The following SCFD2 variants were observed in gnomAD, a reference collection of about 807,000 sequenced individuals.
SCFD2 encodes the protein sec1 family domain containing 2, also known as sec1 family domain-containing protein 2.
Under a neutral mutation model 58.9 loss-of-function variants are expected in SCFD2, and 54 were observed. That is an observed-to-expected ratio of 0.92 (90% CI 0.74 to 1.15). The LOEUF (loss-of-function observed/expected upper bound fraction) is 1.15, where lower values mean the gene tolerates loss of function less well. Among genes scored for constraint, SCFD2 ranks in the 50% most tolerant of loss-of-function variants. SCFD2 has a pLI of 0.00. For missense variants in SCFD2, 805 were observed against 836.6 expected (o/e 0.96, Z 0.47); for synonymous variants, 321 against 335.9 (o/e 0.96, Z 0.49).
intron 3 of SCFD2, among the ~76,000 whole-genome samples, chr4:53,279,095 T>A (rs1388149597): frequency 6.6e-6 from 1 of 152,134 alleles, no homozygotes; most frequent in African/African-American, 2.4e-5. Context: ...TATTCATACT[T>A]CACCTTACAA....
intron 5 of SCFD2, among the ~76,000 whole-genome samples, chr4:53,131,736 C>T (rs1725791240): frequency 6.6e-6 from 1 of 152,198 alleles, no homozygotes; most frequent in African/African-American, 2.4e-5. Flanking sequence ...GCCTCCTCCC[C>T]GCTGTGCTCT....
At chr4:53,118,454 G>T (rs1725385088) in intron 5 of SCFD2, among the ~76,000 whole-genome samples, 1 of 152,162 alleles carries the variant, frequency 6.6e-6, no homozygotes, top group South Asian at 2.1e-4. Context: ...CACAAAGAGA[G>T]ATAAATCAAA....
chr4:53,239,527 C>T (rs1729823180), intron 4 of SCFD2, among the ~76,000 whole-genome samples: 1 of 152,166 alleles, frequency 6.6e-6, no homozygotes, highest in Non-Finnish European at 1.5e-5. Context: ...TCTTGTTGCC[C>T]AAGCTGGAGT....
chr4:53,038,152 A>G (rs1560309488), intron 5 of SCFD2, among the ~76,000 whole-genome samples: 1 of 152,202 alleles, frequency 6.6e-6, no homozygotes, highest in Non-Finnish European at 1.5e-5. Context: ...ATGCTCCCAG[A>G]ATTTTCCTTA....
At chr4:53,209,095 G>T (rs772427586) in intron 4 of SCFD2, among the ~76,000 whole-genome samples, 6 of 152,224 alleles carry the variant, frequency 3.9e-5, no homozygotes, top group Admixed American at 3.9e-4. Context: ...GAAAGTTCCA[G>T]GCAAACTGAA....
intron 4 of SCFD2, among the ~76,000 whole-genome samples, chr4:53,270,762 T>G (rs1275756993): frequency 6.6e-6 from 1 of 152,196 alleles, no homozygotes; most frequent in Admixed American, 6.5e-5. Context: ...ATAATGGCAT[T>G]AAAATCCTTA....
intron 5 of SCFD2, among the ~76,000 whole-genome samples, chr4:53,088,662 C>T (rs1724381722): frequency 6.6e-6 from 1 of 152,072 alleles, no homozygotes; most frequent in African/African-American, 2.4e-5. Flanking sequence ...GAGCAATTTG[C>T]CTCAAGATGA....
rs368844879 is a variant in SCFD2, at chr4:52,899,451, T to C, written c.1842+8006A>G. 8.7e-3 allele frequency among the ~76,000 whole-genome samples: 1,333 copies of C among 152,354 alleles called. 16 individuals are homozygous for C. The highest frequency in any genetic ancestry group is 0.047 in the South Asian group (226 of 4,830). On this transcript the variant is annotated intron_variant, in intron 7 of 8. Coordinates refer to ENST00000401642, the MANE Select transcript of SCFD2 (RefSeq NM_152540.4). Reference sequence around the variant, plus strand: ...TATGAAATTCTGGGTTGAAAATTCTTTTCTTTAAGAATGTTGAATACTGGC... The same window carrying C: ...TATGAAATTCTGGGTTGAAAATTCTCTTCTTTAAGAATGTTGAATACTGGC...
chr4:53,352,838 A>G (rs891807385), intron 1 of SCFD2, 72 bp from the exon 2 acceptor site: 6 of 1,264,758 alleles, frequency 4.7e-6, no homozygotes, highest in Non-Finnish European at 5.7e-6. Context: ...ATGTTTTATC[A>G]CACACCTTCT....
chr4:53,126,234 A>G (rs528709464), intron 5 of SCFD2, among the ~76,000 whole-genome samples: 5 of 152,348 alleles, frequency 3.3e-5, no homozygotes, highest in Non-Finnish European at 7.4e-5. Flanking sequence ...TTCTTCCATA[A>G]TAATCGGTTG....
chr4:53,025,614 C>G (rs1722453731), intron 5 of SCFD2, among the ~76,000 whole-genome samples: 1 of 152,142 alleles, frequency 6.6e-6, no homozygotes, highest in African/African-American at 2.4e-5. Flanking sequence ...TTGTGATCTA[C>G]CGACTATCCA....
chr4:53,237,797 G>A (rs545510737), intron 4 of SCFD2, among the ~76,000 whole-genome samples: 54 of 45,920 alleles, frequency 1.2e-3, no homozygotes, highest in African/African-American at 2.3e-3. Context: ...CATCCCGGAC[G>A]GGGCGGCTGG....
intron 5 of SCFD2, among the ~76,000 whole-genome samples, chr4:53,060,887 G>A (rs1012945471): frequency 6.6e-6 from 1 of 152,076 alleles, no homozygotes; most frequent in African/African-American, 2.4e-5. Context: ...AGCATAAAGA[G>A]GTCTAGATGA....
intron 5 of SCFD2, chr4:52,948,453 G>A: frequency 4.4e-6 from 2 of 453,688 alleles, no homozygotes; most frequent in Non-Finnish European, 8.9e-6. Context: ...CTCAGTTTCT[G>A]CTTCTGTAAA....
chr4:53,032,959 C>T (rs547752961), intron 5 of SCFD2, among the ~76,000 whole-genome samples: 1 of 152,248 alleles, frequency 6.6e-6, no homozygotes, highest in Non-Finnish European at 1.5e-5. Flanking sequence ...AGTTCTGGAC[C>T]AAGCAGACCT....
At chr4:53,037,185 G>T (rs1383762304) in intron 5 of SCFD2, among the ~76,000 whole-genome samples, 1 of 152,050 alleles carries the variant, frequency 6.6e-6, no homozygotes, top group Non-Finnish European at 1.5e-5. Context: ...ACTTCCCAAA[G>T]GAATATAGTA....
intron 3 of SCFD2, among the ~76,000 whole-genome samples, chr4:53,283,405 T>G (rs1731565548): frequency 6.6e-6 from 1 of 152,220 alleles, no homozygotes; most frequent in South Asian, 2.1e-4. Context: ...TCATAAATAC[T>G]GATGCTATGA....
chr4:53,229,542 T>C (rs928084986), intron 4 of SCFD2, among the ~76,000 whole-genome samples: 3 of 152,194 alleles, frequency 2.0e-5, no homozygotes, highest in African/African-American at 4.8e-5. Flanking sequence ...ATTTAATAAA[T>C]GGTGCTGGGA....
At chr4:52,919,933 A>T (rs1329087870) in intron 6 of SCFD2, among the ~76,000 whole-genome samples, 1 of 152,220 alleles carries the variant, frequency 6.6e-6, no homozygotes, top group Non-Finnish European at 1.5e-5. Context: ...TATTTTACTA[A>T]AGGTTTTATG....
Sources: allele counts gnomAD v4.1 joint callset (sites outside exome capture counted in the v4.1 genomes callset), GRCh38; gene constraint gnomAD v4.1.1; transcripts MANE v1.5; gene names NCBI Gene and HGNC (gene_info 2026-07-23, HGNC 2026-07-21).